Variants in ANO10 observed in about 807,000 individuals in gnomAD.
ANO10 encodes the protein anoctamin-10.
ANO10 carries 77 observed loss-of-function variants against 74.7 expected under a neutral mutation model. The observed-to-expected ratio is 1.03, with a 90% CI of 0.86 to 1.25. The LOEUF is 1.25. Among genes scored for constraint, ANO10 ranks in the 50% most tolerant of loss-of-function variants. The pLI is 0.00. For synonymous variants in ANO10, 279 were observed against 284.9 expected (o/e 0.98, Z 0.21); for missense variants, 721 against 778.1 (o/e 0.93, Z 0.87).
intron 1 of ANO10, among the ~76,000 whole-genome samples, chr3:43,684,861 C>T (rs921449137): frequency 6.6e-6 from 1 of 152,040 alleles, no homozygotes; most frequent in Admixed American, 6.5e-5. Flanking sequence ...TGTTCTCACT[C>T]ATAGGTGGGA....
intron 4 of ANO10, among the ~76,000 whole-genome samples, chr3:43,590,339 A>G (rs1054526675): frequency 3.3e-5 from 5 of 152,242 alleles, no homozygotes. Context: ...AGGTCGAGAA[A>G]GATTAGAATT....
At chr3:43,670,524 T>C (rs2084046224) in intron 1 of ANO10, among the ~76,000 whole-genome samples, 1 of 152,134 alleles carries the variant, frequency 6.6e-6, no homozygotes. Flanking sequence ...GTAGTCCTTA[T>C]AATCCAATAT....
chr3:43,434,512 C>T (rs1575789075), intron 11 of ANO10, among the ~76,000 whole-genome samples: 1 of 152,166 alleles, frequency 6.6e-6, no homozygotes, highest in South Asian at 2.1e-4. Context: ...AAAAATAAAT[C>T]TTCCATGTAT....
At chr3:43,550,423 T>C (rs993341466) in intron 10 of ANO10, among the ~76,000 whole-genome samples, 4 of 152,190 alleles carry the variant, frequency 2.6e-5, no homozygotes, top group African/African-American at 7.2e-5. Flanking sequence ...CAGCATTCCC[T>C]GAAGGAGACT....
chr3:43,596,167 C>A (rs558270803), intron 4 of ANO10, among the ~76,000 whole-genome samples: 1 of 152,094 alleles, frequency 6.6e-6, no homozygotes, highest in Non-Finnish European at 1.5e-5. Flanking sequence ...GAATCAATAT[C>A]GTGAAAATAG....
intron 11 of ANO10, among the ~76,000 whole-genome samples, chr3:43,538,194 C>G (rs2078800391): frequency 6.6e-6 from 1 of 152,192 alleles, no homozygotes; most frequent in African/African-American, 2.4e-5. Context: ...TTTGACGTAG[C>G]ATACTAACAC....
intron 4 of ANO10, among the ~76,000 whole-genome samples, chr3:43,594,209 G>A (rs866438653): frequency 2.6e-5 from 4 of 152,194 alleles, no homozygotes. Context: ...CCACGAGACA[G>A]AAAGTTAACA....
chr3:43,446,448 CAA>C (rs933144994), intron 11 of ANO10, among the ~76,000 whole-genome samples: 6 of 151,906 alleles, frequency 3.9e-5, no homozygotes, highest in Non-Finnish European at 8.8e-5. Flanking sequence ...GAGTTTGTAA[CAA>C]AAAAGAGTTA....
At chr3:43,469,466 T>C (rs2075766159) in intron 11 of ANO10, among the ~76,000 whole-genome samples, 1 of 152,244 alleles carries the variant, frequency 6.6e-6, no homozygotes, top group South Asian at 2.1e-4. Flanking sequence ...CAAGAATCTT[T>C]CACTATTCTC....
chr3:43,662,867 C>A (rs1430212627), intron 1 of ANO10, among the ~76,000 whole-genome samples: 1 of 152,066 alleles, frequency 6.6e-6, no homozygotes, highest in Non-Finnish European at 1.5e-5. Flanking sequence ...CTGAACAGAC[C>A]AATAACAGGT....
intron 11 of ANO10, among the ~76,000 whole-genome samples, chr3:43,517,581 C>G (rs1178208669): frequency 2.0e-5 from 3 of 152,082 alleles, no homozygotes; most frequent in African/African-American, 7.2e-5. Context: ...TGAGTACACA[C>G]AAAGAATTGG....
intron 11 of ANO10, among the ~76,000 whole-genome samples, chr3:43,435,451 G>C (rs1318719678): frequency 1.3e-5 from 2 of 150,494 alleles, no homozygotes; most frequent in Non-Finnish European, 3.0e-5. Flanking sequence ...GGAGGTTTCA[G>C]TGAGCTGAGA....
intron 1 of ANO10, among the ~76,000 whole-genome samples, chr3:43,647,675 G>A (rs886770026): frequency 3.3e-5 from 5 of 152,018 alleles, no homozygotes; most frequent in Admixed American, 3.3e-4. Context: ...CTCTGTATTC[G>A]AAGTATTCAA....
chr3:43,460,883 C>T (rs1170244892), intron 11 of ANO10, among the ~76,000 whole-genome samples: 2 of 150,904 alleles, frequency 1.3e-5, no homozygotes, highest in African/African-American at 4.9e-5. Flanking sequence ...AATTGAAAGC[C>T]AGAAAGAGTT....
At chr3:43,482,185 C>T (rs1313664356) in intron 11 of ANO10, among the ~76,000 whole-genome samples, 1 of 152,004 alleles carries the variant, frequency 6.6e-6, no homozygotes, top group Non-Finnish European at 1.5e-5. Context: ...GCCTTGGCCT[C>T]CCAAAGTGCT....
chr3:43,366,897 GCTGGGCACT>G lies in ANO10; in HGVS notation c.1983_*8del. On this transcript the variant is annotated stop_lost and 3_prime_UTR_variant, in exon 13 of 13. Coordinates refer to ENST00000292246, the MANE Select transcript of ANO10 (RefSeq NM_018075.5). ...CTCTGCCAACAGGGCAGCTGGGCAC[GCTGGGCACT>G]CAGGTTGCCTTCTCCTTCCCGCTTT... 1.3e-6 allele frequency: 2 copies of G among 1,580,902 alleles called. No homozygotes were observed. The highest frequency in any genetic ancestry group is 1.7e-6 in the Non-Finnish European group (2 of 1,163,152).
intron 1 of ANO10, among the ~76,000 whole-genome samples, chr3:43,642,279 T>C (rs2083678457): frequency 6.6e-6 from 1 of 152,256 alleles, no homozygotes; most frequent in South Asian, 2.1e-4. Context: ...CACTGAAAGT[T>C]TTGGTTTGTA....
At chr3:43,531,573 C>T (rs1401291726) in intron 11 of ANO10, among the ~76,000 whole-genome samples, 2 of 152,038 alleles carry the variant, frequency 1.3e-5, no homozygotes, top group African/African-American at 2.4e-5. Context: ...TGTGATCTGA[C>T]GATTTGTCAT....
intron 1 of ANO10, among the ~76,000 whole-genome samples, chr3:43,653,966 T>G (rs2083817882): frequency 6.7e-6 from 1 of 149,014 alleles, no homozygotes; most frequent in South Asian, 2.2e-4. Flanking sequence ...CATCACCTCC[T>G]TTTTCTGGCC....
Sources: allele counts gnomAD v4.1 joint callset (sites outside exome capture counted in the v4.1 genomes callset), GRCh38; gene constraint gnomAD v4.1.1; transcripts MANE v1.5; gene names NCBI Gene and HGNC (gene_info 2026-07-23, HGNC 2026-07-21).